DCDC1: variants seen among roughly 807,000 people sequenced by gnomAD.
The protein encoded by DCDC1 is doublecortin domain-containing protein 1.
In DCDC1, 200 loss-of-function variants were observed where a neutral mutation model predicts 178.3. The ratio of observed to expected loss-of-function variants is 1.12; its 90% CI spans 1.00 to 1.26. The LOEUF is 1.26. Ranked by LOEUF, DCDC1 falls within the 50% of genes most tolerant of loss-of-function variation. The pLI, the probability that DCDC1 is intolerant of heterozygous loss-of-function variation, is 0.00. For synonymous variants in DCDC1, 690 were observed against 604.8 expected (o/e 1.14, Z -2.07); for missense variants, 1,983 against 1,749.2 (o/e 1.13, Z -2.38).
At chr11:31,337,989 A>C (rs1169751565) in intron 1 of DCDC1, among the ~76,000 whole-genome samples, 1 of 152,194 alleles carries the variant, frequency 6.6e-6, no homozygotes, top group South Asian at 2.1e-4. Context: ...CCACATTTGT[A>C]TCAGCAGGAA....
chr11:31,330,623 C>T (rs926579552), intron 2 of DCDC1, among the ~76,000 whole-genome samples: 3 of 152,162 alleles, frequency 2.0e-5, no homozygotes, highest in Admixed American at 6.5e-5. Flanking sequence ...TATGGCTAGC[C>T]AGTTTTCCCA....
intron 20 of DCDC1, among the ~76,000 whole-genome samples, chr11:31,006,275 C>T (rs932779986): frequency 3.3e-5 from 5 of 152,130 alleles, no homozygotes; most frequent in African/African-American, 1.2e-4. Context: ...AGGTTACTTC[C>T]TGGTTGGTTT....
rs143506703 is a variant in DCDC1, at chr11:31,305,697, G to A, written c.672C>T (p.Leu224=). 3.4e-5 allele frequency: 55 copies of A among 1,613,632 alleles called. No individual in the cohort carries two copies. Among genetic ancestry groups the A allele is most frequent in the Non-Finnish European group, 3.9e-5 (46 of 1,179,870 alleles). Residue 224 remains leucine (L), a synonymous_variant, in exon 6 of 39, where the codon CTC becomes CTT. Transcript: ENST00000684477. ...RVFLADGKEA[L]EPEDIPHEAD... is the part of the protein sequence containing the mutation. ...CTTCATGGGGTATATCTTCAGGTTC[G>A]AGGGCTTCCTTGCCGTCTGCCAAGA... is the stretch of plus-strand genomic sequence containing the variant.
intron 9 of DCDC1, among the ~76,000 whole-genome samples, chr11:31,169,069 T>C (rs1012097417): frequency 6.6e-6 from 1 of 152,134 alleles, no homozygotes; most frequent in Admixed American, 6.6e-5. Context: ...AGGAATGAGA[T>C]TATGTCCTTT....
chr11:31,149,865 GTAACACT>G, intron 9 of DCDC1, among the ~76,000 whole-genome samples: 1 of 152,324 alleles, frequency 6.6e-6, no homozygotes, highest in African/African-American at 2.4e-5. Flanking sequence ...TTTAAGAGCT[GTAACACT>G]TGCCGCAAGG....
At chr11:31,040,976 T>A (rs140028052) in intron 20 of DCDC1, among the ~76,000 whole-genome samples, 50 of 152,326 alleles carry the variant, frequency 3.3e-4, no homozygotes, top group African/African-American at 8.2e-4. Flanking sequence ...CTCAAAGTAT[T>A]TATAGCATGC....
intron 9 of DCDC1, among the ~76,000 whole-genome samples, chr11:31,220,773 T>C (rs572700719): frequency 5.3e-5 from 8 of 152,232 alleles, no homozygotes; most frequent in Non-Finnish European, 7.3e-5. Flanking sequence ...ACTGGATAGC[T>C]TAAACAACAG....
chr11:31,350,952 A>T (rs967308223), intron 1 of DCDC1, among the ~76,000 whole-genome samples: 1 of 152,088 alleles, frequency 6.6e-6, no homozygotes, highest in African/African-American at 2.4e-5. Flanking sequence ...TATGTAGCTA[A>T]CATTAAATAT....
chr11:31,014,257 GTTTC>G (rs1952349975), intron 20 of DCDC1, among the ~76,000 whole-genome samples: 1 of 145,330 alleles, frequency 6.9e-6, no homozygotes, highest in Non-Finnish European at 1.5e-5. Context: ...TCCTCTCTTT[GTTTC>G]TTTCTCTCTT....
chr11:30,885,242 GA>G (rs148932732), intron 36 of DCDC1, among the ~76,000 whole-genome samples: 9,110 of 140,640 alleles, frequency 0.065, 389 homozygotes, highest in Non-Finnish European at 0.092. Context: ...CCAGAAAAAG[GA>G]AAAAAAAAAG....
intron 9 of DCDC1, among the ~76,000 whole-genome samples, chr11:31,203,930 C>T (rs935487601): frequency 1.3e-5 from 2 of 152,088 alleles, no homozygotes; most frequent in Non-Finnish European, 2.9e-5. Context: ...ACAAATAATA[C>T]AAATTCTACA....
At chr11:31,024,630 G>A (rs573570173) in intron 20 of DCDC1, among the ~76,000 whole-genome samples, 62 of 151,950 alleles carry the variant, frequency 4.1e-4, no homozygotes, top group Non-Finnish European at 7.8e-4. Context: ...CTGGCATCCA[G>A]AGGCAGCCAC....
rs1439976706 is a variant in DCDC1, at chr11:30,931,817, A to T, written c.2851T>A (p.Ser951Thr). 1.2e-6 allele frequency: 2 copies of T among 1,612,808 alleles called. No homozygotes were observed. The highest frequency in any genetic ancestry group is 1.1e-5 in the South Asian group (1 of 91,010). Reference protein sequence around the residue: ...LQNGEKNKNRSVTILGPDISP... With the variant: ...LQNGEKNKNRTVTILGPDISP... ...ATATCTGGACCAAGGATAGTAACGG[A>T]TCTGTTTTTATTCTTCTCTCCATTC... Residue 951 changes from serine (S) to threonine (T), a missense_variant, in exon 22 of 39, where the codon TCC (serine) becomes ACC (threonine). Coordinates refer to ENST00000684477, the MANE Select transcript of DCDC1 (RefSeq NM_001387274.1).
rs796705415 is a variant in DCDC1 at position 31,357,165 on chromosome 11, G to A, written c.-125+12532C>T. ...AGAATTTTAGACCAATATCCCTGAT[G>A]AACATTGATGCTAAAATCCTCAATA... On this transcript the variant is annotated intron_variant, in intron 1 of 38. Coordinates refer to ENST00000684477, the MANE Select transcript of DCDC1 (RefSeq NM_001387274.1). Among the ~76,000 whole-genome samples the A allele has an allele frequency of 7.1e-4, 108 of 152,264 alleles. 2 individuals carry two copies. In the South Asian group the frequency reaches 0.021, roughly 29 times the overall value.
chr11:31,331,036 CA>C (rs1380318566), intron 2 of DCDC1, among the ~76,000 whole-genome samples: 13 of 152,222 alleles, frequency 8.5e-5, no homozygotes, highest in African/African-American at 2.9e-4. Flanking sequence ...ATGGAATGTT[CA>C]ATTTGTTTCT....
intron 9 of DCDC1, among the ~76,000 whole-genome samples, chr11:31,142,625 T>C (rs1963964883): frequency 6.6e-6 from 1 of 152,206 alleles, no homozygotes; most frequent in Non-Finnish European, 1.5e-5. Flanking sequence ...ACATTTGTGA[T>C]AAATTAAGGA....
At chr11:31,273,402 A>G (rs1393511764) in intron 7 of DCDC1, among the ~76,000 whole-genome samples, 1 of 152,046 alleles carries the variant, frequency 6.6e-6, no homozygotes, top group Non-Finnish European at 1.5e-5. Context: ...ATCTCTCTCA[A>G]TTTCAAAGTT....
chr11:31,074,684 C>G (rs1262289614), intron 18 of DCDC1, among the ~76,000 whole-genome samples: 2 of 152,090 alleles, frequency 1.3e-5, no homozygotes, highest in Non-Finnish European at 2.9e-5. Flanking sequence ...TTTGTTACAG[C>G]AGCACAAATG....
At chr11:31,241,808 C>T (rs960016846) in intron 8 of DCDC1, 192 bp from the exon 9 acceptor site, 3 of 354,436 alleles carry the variant, frequency 8.5e-6, no homozygotes, top group East Asian at 8.3e-5. Flanking sequence ...TTGAGACACC[C>T]CCCATGCAAG....
Sources: allele counts gnomAD v4.1 joint callset (sites outside exome capture counted in the v4.1 genomes callset), GRCh38; gene constraint gnomAD v4.1.1; transcripts MANE v1.5; gene names NCBI Gene and HGNC (gene_info 2026-07-23, HGNC 2026-07-21).